The following CDH13 variants were observed in gnomAD, a reference collection of about 807,000 sequenced individuals.
CDH13 encodes cadherin 13.
In CDH13, 24 loss-of-function variants were observed where a neutral mutation model predicts 63.8. That is an observed-to-expected ratio of 0.38 (90% CI 0.27 to 0.53). The LOEUF (loss-of-function observed/expected upper bound fraction) is 0.53, where lower values mean the gene tolerates loss of function less well. CDH13 is among the 20% of genes least tolerant of loss of function. The probability of loss-of-function intolerance (pLI) is 0.85; values close to 1 mark genes in which losing one functional copy is unlikely to be tolerated. For synonymous variants in CDH13, 503 were observed against 355.3 expected, an observed-to-expected ratio of 1.42 and a Z score of -4.67; for missense variants, 1,049 against 903.1, an observed-to-expected ratio of 1.16 and a Z score of -2.07.
intron 2 of CDH13, among the ~76,000 whole-genome samples, chr16:82,931,243 C>G (rs1208707861): frequency 6.6e-6 from 1 of 152,196 alleles, no homozygotes; most frequent in Non-Finnish European, 1.5e-5. Flanking sequence ...ACAGAATTTT[C>G]TCATCATGTA....
At chr16:83,305,817 A>G (rs1052488374) in intron 5 of CDH13, among the ~76,000 whole-genome samples, 1 of 152,218 alleles carries the variant, frequency 6.6e-6, no homozygotes, top group Non-Finnish European at 1.5e-5. Flanking sequence ...TAGGAGGCCA[A>G]ACGCATAATA....
chr16:83,029,294 A>T (rs564363164), intron 2 of CDH13, among the ~76,000 whole-genome samples: 39 of 152,236 alleles, frequency 2.6e-4, no homozygotes, highest in Admixed American at 1.0e-3. Flanking sequence ...AGATTCTCAG[A>T]TATTTATTTG....
rs76180098 is a variant in CDH13 at position 83,446,992 on chromosome 16, A to G, written c.782-39485A>G. On this transcript the variant is annotated intron_variant, in intron 6 of 13. Coordinates refer to ENST00000567109, the MANE Select transcript of CDH13 (RefSeq NM_001257.5). ...CCTAATGGTCATGTACCTGCATTGA[A>G]GGGGTTAAGAAGTAAGGAAATGATT... Among the ~76,000 whole-genome samples, 368 of 142,416 alleles carry G rather than the reference A, an allele frequency of 2.6e-3. 9 individuals are homozygous for G. The East Asian group carries it at 0.063, about 24-fold the overall frequency. 93.4% of individuals were successfully genotyped at this position (142,416 alleles called of 152,430 possible).
chr16:82,840,480 T>G (rs2038959793), intron 1 of CDH13, among the ~76,000 whole-genome samples: 2 of 151,586 alleles, frequency 1.3e-5, no homozygotes, highest in Admixed American at 6.6e-5. Context: ...GTCAGGACTT[T>G]GAGACCAGCC....
At chr16:83,525,078 G>T (rs537445514) in intron 7 of CDH13, among the ~76,000 whole-genome samples, 1 of 152,118 alleles carries the variant, frequency 6.6e-6, no homozygotes, top group Non-Finnish European at 1.5e-5. Context: ...GAATCAAACG[G>T]CAATTTACTT....
intron 1 of CDH13, among the ~76,000 whole-genome samples, chr16:82,816,300 T>G (rs2037706605): frequency 6.6e-6 from 1 of 152,146 alleles, no homozygotes; most frequent in Admixed American, 6.6e-5. Flanking sequence ...AAATATTTAT[T>G]GAGTACCCTG....
At chr16:83,716,741 C>G (rs943294384) in intron 10 of CDH13, among the ~76,000 whole-genome samples, 1 of 152,200 alleles carries the variant, frequency 6.6e-6, no homozygotes, top group Non-Finnish European at 1.5e-5. Flanking sequence ...CTCAGCCTTC[C>G]AAAGTGCTGG....
chr16:82,706,688 C>T lies in CDH13; in HGVS notation c.45+79551C>T, dbSNP rs566991942. On this transcript the variant is annotated intron_variant, in intron 1 of 13. Transcript: ENST00000567109. ...GTGTGGTGGTGGGTGCCTGTAATCC[C>T]AGCTACTTGGAAGGCTAAGAAAGGA... is the stretch of plus-strand genomic sequence containing the variant. Among the ~76,000 whole-genome samples the T allele has an allele frequency of 3.1e-4, 47 of 151,004 alleles. 1 individual carries two copies. The highest frequency in any genetic ancestry group is 2.8e-3 in the Admixed American group (42 of 15,188).
chr16:83,129,528 C>A (rs1447069655), intron 4 of CDH13, among the ~76,000 whole-genome samples: 1 of 152,170 alleles, frequency 6.6e-6, no homozygotes, highest in Admixed American at 6.5e-5. Context: ...ATTGTAATGT[C>A]AGGGGCTAAC....
At chr16:83,149,719 G>C (rs1314039775) in intron 4 of CDH13, among the ~76,000 whole-genome samples, 1 of 152,288 alleles carries the variant, frequency 6.6e-6, no homozygotes, top group South Asian at 2.1e-4. Context: ...ACATCCTAGA[G>C]ACATCAAAGC....
chr16:83,155,265 G>A (rs144583128), intron 4 of CDH13, among the ~76,000 whole-genome samples: 23 of 151,782 alleles, frequency 1.5e-4, no homozygotes, highest in Non-Finnish European at 3.2e-4. Flanking sequence ...GGAGGTAGAA[G>A]AGTCATGTTC....
chr16:83,216,443 T>TATATATATATATATATATAC (rs1472700247), intron 4 of CDH13, among the ~76,000 whole-genome samples: 8 of 93,420 alleles, frequency 8.6e-5, no homozygotes, highest in Non-Finnish European at 1.3e-4. Context: ...TATATATATA[T>TATATATATATATATATATAC]ACACAACCCT....
chr16:83,483,611 TTAAC>T (rs1027260035), intron 6 of CDH13, among the ~76,000 whole-genome samples: 1 of 152,094 alleles, frequency 6.6e-6, no homozygotes, highest in Non-Finnish European at 1.5e-5. Context: ...TCATTAGACA[TTAAC>T]TAAGTGCAAG....
chr16:83,518,391 C>T (rs551367279), intron 7 of CDH13, among the ~76,000 whole-genome samples: 3 of 151,626 alleles, frequency 2.0e-5, no homozygotes, highest in African/African-American at 7.3e-5. Context: ...GTGATCCACC[C>T]GCCTCGGCCT....
At chr16:83,531,305 G>A (rs1226967376) in intron 7 of CDH13, among the ~76,000 whole-genome samples, 8 of 152,176 alleles carry the variant, frequency 5.3e-5, no homozygotes. Flanking sequence ...GCCTGGCATG[G>A]CCTGAAGGCA....
intron 11 of CDH13, among the ~76,000 whole-genome samples, chr16:83,775,521 A>G (rs755727756): frequency 6.6e-6 from 1 of 152,096 alleles, no homozygotes; most frequent in Non-Finnish European, 1.5e-5. Flanking sequence ...CTACCATGAG[A>G]ACATGGCCCC....
At chr16:83,361,574 G>C (rs1487110411) in intron 6 of CDH13, among the ~76,000 whole-genome samples, 7 of 152,248 alleles carry the variant, frequency 4.6e-5, no homozygotes, top group Admixed American at 6.5e-5. Context: ...TTTTAAATTT[G>C]AATATTTAAT....
chr16:83,499,639 A>G (rs1016710495), intron 7 of CDH13, among the ~76,000 whole-genome samples: 10 of 152,232 alleles, frequency 6.6e-5, no homozygotes, highest in South Asian at 2.1e-4. Flanking sequence ...TCAACTGTAA[A>G]TCACAGTAAT....
rs559134578 is a variant in CDH13 at position 83,612,982 on chromosome 16, G to T, written c.1101+10388G>T. Reference sequence around the variant, plus strand: ...TCCTTTTATTTTAAAAATACTGCAAGTCTGCTGGTAATAAGTTCTCTCATA... The same window carrying T: ...TCCTTTTATTTTAAAAATACTGCAATTCTGCTGGTAATAAGTTCTCTCATA... On this transcript the variant is annotated intron_variant, in intron 8 of 13. Transcript: ENST00000567109. Among the ~76,000 whole-genome samples the T allele has an allele frequency of 5.3e-5, 8 of 152,238 alleles. No individual in the cohort carries two copies. In the South Asian group the frequency reaches 1.7e-3, roughly 32 times the overall value.
Sources: allele counts gnomAD v4.1 joint callset (sites outside exome capture counted in the v4.1 genomes callset), GRCh38; gene constraint gnomAD v4.1.1; transcripts MANE v1.5; gene names NCBI Gene and HGNC (gene_info 2026-07-23, HGNC 2026-07-21).